The following TMEM255B variants were observed in gnomAD, a reference collection of about 807,000 sequenced individuals.
TMEM255B encodes transmembrane protein 255B.
TMEM255B carries 35 observed loss-of-function variants against 34.5 expected under a neutral mutation model. The ratio of observed to expected loss-of-function variants is 1.01; its 90% confidence interval spans 0.77 to 1.34. The LOEUF (loss-of-function observed/expected upper bound fraction) is 1.34. Among genes scored for constraint, TMEM255B ranks in the 40% most tolerant of loss-of-function variants. The pLI is 0.00. For synonymous variants in TMEM255B, 206 were observed against 201.2 expected (o/e 1.02, Z -0.20); for missense variants, 432 against 433.2 (o/e 1.00, Z 0.02).
chr13:113,793,605 C>T (rs992144012), intron 3 of TMEM255B, among the ~76,000 whole-genome samples: 5 of 152,244 alleles, frequency 3.3e-5, no homozygotes, highest in Non-Finnish European at 5.9e-5. Flanking sequence ...CCAGCCCTAC[C>T]GCCTCATCAC....
chr13:113,795,049 G>C, intron 3 of TMEM255B, 99 bp from the exon 4 acceptor site: 1 of 1,111,492 alleles, frequency 9.0e-7, no homozygotes, highest in Non-Finnish European at 1.3e-6. Context: ...GCAGTTCTGT[G>C]AAAGAAGCCC....
chr13:113,801,520 G>A (rs2051059948), intron 6 of TMEM255B, 133 bp from the exon 7 acceptor site: 24 of 1,056,330 alleles, frequency 2.3e-5, no homozygotes, highest in Middle Eastern at 2.1e-4. Flanking sequence ...GCAGTGCAGG[G>A]ATGGGCGTTG....
intron 3 of TMEM255B, among the ~76,000 whole-genome samples, chr13:113,792,630 C>T (rs973902030): frequency 9.8e-5 from 15 of 152,380 alleles, no homozygotes; most frequent in African/African-American, 3.6e-4. Flanking sequence ...GGGAACCTCC[C>T]TCATCTGTCT....
chr13:113,799,897 G>A lies in TMEM255B; in HGVS notation c.423+478G>A, dbSNP rs531571962. On this transcript the variant is annotated intron_variant, in intron 5 of 8. Transcript: ENST00000375353. ...CCGTCGGAGGGCACAGCTCTGTGAC[G>A]GCGCTCTCTGTGTGTCTCGCACCTG... The A allele has an allele frequency of 1.4e-5, 17 of 1,191,762 alleles. No individual in the cohort carries two copies. In the South Asian group the frequency reaches 1.8e-4, roughly 12 times the overall value. 73.8% of individuals were successfully genotyped at this position (1,191,762 alleles called of 1,614,324 possible).
rs535144799 is a variant in TMEM255B at position 113,774,866 on chromosome 13, C to CCA, written c.252+5711_252+5712dup. On this transcript the variant is annotated intron_variant, in intron 3 of 8. Coordinates refer to ENST00000375353, the MANE Select transcript of TMEM255B (RefSeq NM_182614.4). ...CAACACACAATGCACACCACATACA[C>CCA]CACACAACGCACACCACACACAAGA... Among the ~76,000 whole-genome samples, 71 of 149,172 alleles carry CCA rather than the reference C, an allele frequency of 4.8e-4. No homozygotes were observed. The East Asian group carries it at 0.011, about 22-fold the overall frequency.
At chr13:113,779,394 T>C (rs966039016) in intron 3 of TMEM255B, among the ~76,000 whole-genome samples, 1 of 152,128 alleles carries the variant, frequency 6.6e-6, no homozygotes, top group African/African-American at 2.4e-5. Flanking sequence ...CACTGGACTT[T>C]TGGGGGCTTA....
At chr13:113,804,862 C>A (rs567001860) in intron 7 of TMEM255B, 23 bp from the exon 8 acceptor site, 11 of 1,583,986 alleles carry the variant, frequency 6.9e-6, no homozygotes, top group Non-Finnish European at 9.4e-6. Flanking sequence ...ACACGCCGAC[C>A]ACCCGTCTCC....
At chr13:113,794,513 C>T (rs7985811) in intron 3 of TMEM255B, among the ~76,000 whole-genome samples, 5 of 152,042 alleles carry the variant, frequency 3.3e-5, no homozygotes, top group Admixed American at 1.3e-4. Flanking sequence ...CTCTGCCCAG[C>T]GTGGTACCAA....
intron 3 of TMEM255B, among the ~76,000 whole-genome samples, chr13:113,791,571 G>T (rs1225136913): frequency 6.6e-6 from 1 of 152,214 alleles, no homozygotes; most frequent in African/African-American, 2.4e-5. Flanking sequence ...CCAGGAGCAG[G>T]GAAGGGGTGC....
intron 3 of TMEM255B, among the ~76,000 whole-genome samples, chr13:113,779,128 G>T (rs551439870): frequency 3.9e-5 from 6 of 152,270 alleles, no homozygotes; most frequent in African/African-American, 1.4e-4. Context: ...GTTTATCTTG[G>T]GGTCGGCATG....
At chr13:113,796,390 C>T (rs185422934) in intron 4 of TMEM255B, among the ~76,000 whole-genome samples, 144 of 146,578 alleles carry the variant, frequency 9.8e-4, no homozygotes, top group Middle Eastern at 3.5e-3. Flanking sequence ...TCACACCACA[C>T]AGAGCACACA....
rs2051383819 is a variant in TMEM255B at position 113,814,687 on chromosome 13, G to C, written c.*2784G>C. 6.6e-6 allele frequency: 1 copy of C among 152,224 alleles called. No individual in the cohort carries two copies. Among genetic ancestry groups the C allele is most frequent in the Non-Finnish European group, 1.5e-5 (1 of 68,088 alleles). 9.4% of individuals were successfully genotyped at this position (152,224 alleles called of 1,614,324 possible). A position where few individuals can be genotyped will look rare whatever the true frequency, so the allele number is the denominator to read the frequency against. On this transcript the variant is annotated 3_prime_UTR_variant, in exon 9 of 9. Coordinates refer to ENST00000375353, the MANE Select transcript of TMEM255B (RefSeq NM_182614.4). Reference sequence around the variant, plus strand: ...TGTCTGGGGCCACCAAGCTCTGCCAGCCTGAGTCACGGTCTGATGAACCCC... The same window carrying C: ...TGTCTGGGGCCACCAAGCTCTGCCACCCTGAGTCACGGTCTGATGAACCCC...
chr13:113,801,073 G>C (rs999945856), intron 6 of TMEM255B, among the ~76,000 whole-genome samples, 161 bp downstream of exon 6: 1 of 151,880 alleles, frequency 6.6e-6, no homozygotes, highest in Non-Finnish European at 1.5e-5. Flanking sequence ...TGCCTGCAGG[G>C]GTGAGGCCTC....
At chr13:113,777,133 A>G (rs2050592073) in intron 3 of TMEM255B, among the ~76,000 whole-genome samples, 1 of 152,096 alleles carries the variant, frequency 6.6e-6, no homozygotes, top group Non-Finnish European at 1.5e-5. Context: ...GGAATTTCTC[A>G]TGGAAAGCCA....
At position 113,801,665 on chromosome 13, in the gene TMEM255B, G is replaced by A. The variant is rs758657516; in HGVS notation, c.522G>A (p.Ser174=). The A allele has an allele frequency of 5.6e-6, 9 of 1,609,572 alleles. No homozygotes were observed. Among genetic ancestry groups the A allele is most frequent in the Admixed American group, 3.4e-5 (2 of 59,684 alleles). ...DLYACGSAEP[S]PAYYEFIGVS... is the part of the protein sequence containing the mutation. ...CCTCTCTGTGCAGCGCAGAGCCCTC[G>A]CCCGCCTACTATGAGTTCATCGGCG... Residue 174 remains serine, a synonymous_variant, in exon 7 of 9, where the codon TCG becomes TCA. Transcript: ENST00000375353.
Position 113,805,047 on chromosome 13 carries a change from G to T in TMEM255B, c.813+19G>T, listed in dbSNP as rs749928077. 1 of 1,583,674 alleles carries T rather than the reference G, an allele frequency of 6.3e-7. No homozygotes were observed. Among genetic ancestry groups the T allele is most frequent in the South Asian group, 1.1e-5 (1 of 88,590 alleles). On this transcript the variant is annotated intron_variant, in intron 8 of 8. Coordinates refer to ENST00000375353, the MANE Select transcript of TMEM255B (RefSeq NM_182614.4). ...CCTTCAGGTAGGGCCAGCATCACCT[G>T]CTGGAGTTGGACGCGCTGGTCACAG...
At chr13:113,789,982 C>T (rs1366955909) in intron 3 of TMEM255B, among the ~76,000 whole-genome samples, 1 of 151,916 alleles carries the variant, frequency 6.6e-6, no homozygotes, top group South Asian at 2.1e-4. Flanking sequence ...GCTGGACTGA[C>T]TGGGCACGTG....
intron 3 of TMEM255B, among the ~76,000 whole-genome samples, chr13:113,792,447 C>T (rs926543282): frequency 1.3e-5 from 2 of 152,276 alleles, no homozygotes; most frequent in African/African-American, 4.8e-5. Flanking sequence ...CACCGACGTG[C>T]AGCCCCCAGC....
Position 113,811,976 on chromosome 13 carries a change from T to C in TMEM255B, c.*73T>C, listed in dbSNP as rs2051322281. ...AAAGGCAGCCTCTAGAAATCCCGCT[T>C]CTGTGGCCAACCTCCTAGAGAACCC... On this transcript the variant is annotated 3_prime_UTR_variant, in exon 9 of 9. Transcript: ENST00000375353. 1 of 1,501,120 alleles carries C rather than the reference T, an allele frequency of 6.7e-7. No individual in the cohort carries two copies. Among genetic ancestry groups the C allele is most frequent in the South Asian group, 1.3e-5 (1 of 75,102 alleles). 93.0% of individuals were successfully genotyped at this position (1,501,120 alleles called of 1,614,324 possible).
Sources: gnomAD v4.1 joint callset for allele counts (sites outside exome capture counted in the v4.1 genomes callset) on GRCh38, gnomAD v4.1.1 for gene constraint, MANE v1.5 for transcripts, NCBI Gene and HGNC (gene_info 2026-07-23, HGNC 2026-07-21) for gene names.